The following ST6GALNAC3 variants were observed in gnomAD, a reference collection of about 807,000 sequenced individuals.
ST6GALNAC3 encodes the protein ST6 N-acetylgalactosaminide alpha-2,6-sialyltransferase 3, also known as alpha-N-acetylgalactosaminide alpha-2,6-sialyltransferase 3.
ST6GALNAC3 carries 25 observed loss-of-function variants against 32.7 expected under a neutral mutation model. That is an observed-to-expected ratio of 0.76 (90% confidence interval 0.56 to 1.07). ST6GALNAC3 has a LOEUF of 1.07. ST6GALNAC3 is among the 50% of genes least tolerant of loss of function. The probability of loss-of-function intolerance (pLI) is 0.00; values close to 1 mark genes in which losing one functional copy is unlikely to be tolerated. For synonymous variants in ST6GALNAC3, 129 were observed against 133.1 expected (o/e 0.97, Z 0.21); for missense variants, 355 against 382.4 (o/e 0.93, Z 0.60).
At chr1:76,289,094 C>A (rs1659936739) in intron 1 of ST6GALNAC3, among the ~76,000 whole-genome samples, 1 of 152,178 alleles carries the variant, frequency 6.6e-6, no homozygotes, top group Non-Finnish European at 1.5e-5. Flanking sequence ...CACTTGTGTT[C>A]CTGAAACCTA....
chr1:76,335,092 C>T (rs936402932), intron 2 of ST6GALNAC3, among the ~76,000 whole-genome samples: 3 of 152,030 alleles, frequency 2.0e-5, no homozygotes, highest in Admixed American at 1.3e-4. Context: ...TTGATGAATA[C>T]GTGAGTGGCA....
chr1:76,181,523 A>G (rs1390742983), intron 1 of ST6GALNAC3, among the ~76,000 whole-genome samples: 1 of 152,204 alleles, frequency 6.6e-6, no homozygotes, highest in Non-Finnish European at 1.5e-5. Flanking sequence ...TTTCAATTAC[A>G]TAGGGTTTGT....
intron 3 of ST6GALNAC3, among the ~76,000 whole-genome samples, chr1:76,571,332 T>G (rs1665845634): frequency 6.6e-6 from 1 of 152,238 alleles, no homozygotes; most frequent in African/African-American, 2.4e-5. Context: ...AGACCTTAGC[T>G]GGAACTCTTG....
At chr1:76,387,887 C>G (rs185133214) in intron 2 of ST6GALNAC3, among the ~76,000 whole-genome samples, 11,239 of 150,828 alleles carry the variant, frequency 0.075, 465 homozygotes, top group Middle Eastern at 0.11. Context: ...CCTTCTATGA[C>G]TGAAAAAAAA....
At chr1:76,137,195 C>T (rs976422882) in intron 1 of ST6GALNAC3, among the ~76,000 whole-genome samples, 2 of 152,210 alleles carry the variant, frequency 1.3e-5, no homozygotes, top group African/African-American at 4.8e-5. Flanking sequence ...AAATGACTAT[C>T]TGGCAAAAAT....
intron 3 of ST6GALNAC3, among the ~76,000 whole-genome samples, chr1:76,435,754 A>G (rs1415380780): frequency 2.0e-5 from 3 of 152,186 alleles, no homozygotes; most frequent in African/African-American, 7.2e-5. Context: ...TGATGTGTTC[A>G]TGGTTGCATT....
intron 3 of ST6GALNAC3, among the ~76,000 whole-genome samples, chr1:76,492,485 C>T (rs113465389): frequency 2.6e-4 from 40 of 152,026 alleles, no homozygotes; most frequent in African/African-American, 8.2e-4. Flanking sequence ...AAAAGCTTAA[C>T]GTAGTTTGCC....
intron 3 of ST6GALNAC3, among the ~76,000 whole-genome samples, chr1:76,618,699 C>A (rs1174440181): frequency 6.6e-6 from 1 of 152,098 alleles, no homozygotes; most frequent in Non-Finnish European, 1.5e-5. Context: ...CATCCCAGAT[C>A]CAGGCTGAAG....
At chr1:76,155,217 A>G (rs565595855) in intron 1 of ST6GALNAC3, among the ~76,000 whole-genome samples, 1 of 152,126 alleles carries the variant, frequency 6.6e-6, no homozygotes, top group African/African-American at 2.4e-5. Context: ...GGACCTTTGA[A>G]CCTAAATTCC....
intron 3 of ST6GALNAC3, among the ~76,000 whole-genome samples, chr1:76,497,567 C>T (rs1660930814): frequency 6.6e-6 from 1 of 152,136 alleles, no homozygotes; most frequent in African/African-American, 2.4e-5. Flanking sequence ...TTTAGGGGGA[C>T]ATAGAAAGAA....
intron 2 of ST6GALNAC3, among the ~76,000 whole-genome samples, chr1:76,402,335 G>A (rs1281246911): frequency 2.0e-5 from 3 of 151,944 alleles, no homozygotes; most frequent in Non-Finnish European, 2.9e-5. Flanking sequence ...ATCTCTCCTT[G>A]CCTCCAAGGA....
chr1:76,533,183 C>T (rs940814907), intron 3 of ST6GALNAC3, among the ~76,000 whole-genome samples: 7 of 152,110 alleles, frequency 4.6e-5, no homozygotes, highest in African/African-American at 9.7e-5. Flanking sequence ...GAAAGCTAAG[C>T]GAGTGACCCA....
intron 1 of ST6GALNAC3, among the ~76,000 whole-genome samples, chr1:76,076,763 A>T (rs1024110146): frequency 6.6e-6 from 1 of 152,204 alleles, no homozygotes; most frequent in African/African-American, 2.4e-5. Context: ...TAATCTTTAC[A>T]TAAAACCCTG....
chr1:76,583,198 A>G (rs568518770), intron 3 of ST6GALNAC3, among the ~76,000 whole-genome samples: 7 of 152,288 alleles, frequency 4.6e-5, no homozygotes, highest in Admixed American at 4.6e-4. Context: ...TACCATACTC[A>G]GTTGAAAGTC....
At chr1:76,313,030 C>CT (rs1557777044) in intron 1 of ST6GALNAC3, among the ~76,000 whole-genome samples, 1 of 152,108 alleles carries the variant, frequency 6.6e-6, no homozygotes, top group Non-Finnish European at 1.5e-5. Context: ...GAGGAATGTT[C>CT]TGCTGCTTGG....
chr1:76,321,336 T>G (rs777814925), intron 2 of ST6GALNAC3, among the ~76,000 whole-genome samples: 6 of 152,148 alleles, frequency 3.9e-5, no homozygotes, highest in Non-Finnish European at 8.8e-5. Context: ...AGAAACAAGT[T>G]GCAAGGCTAA....
chr1:76,168,472 G>A (rs1374070591), intron 1 of ST6GALNAC3, among the ~76,000 whole-genome samples: 1 of 152,196 alleles, frequency 6.6e-6, no homozygotes, highest in Non-Finnish European at 1.5e-5. Flanking sequence ...TTCTGTAGAT[G>A]TCTATCAGAT....
intron 1 of ST6GALNAC3, among the ~76,000 whole-genome samples, chr1:76,080,075 G>A (rs993008221): frequency 6.6e-6 from 1 of 152,228 alleles, no homozygotes; most frequent in Non-Finnish European, 1.5e-5. Flanking sequence ...TATAGACTCA[G>A]TGAGAAGGCA....
At chr1:76,480,892 C>A (rs1659681455) in intron 3 of ST6GALNAC3, among the ~76,000 whole-genome samples, 1 of 152,022 alleles carries the variant, frequency 6.6e-6, no homozygotes, top group Non-Finnish European at 1.5e-5. Flanking sequence ...AAGCATCATT[C>A]CACTAGTTTC....
Sources: allele counts gnomAD v4.1 joint callset (sites outside exome capture counted in the v4.1 genomes callset), GRCh38; gene constraint gnomAD v4.1.1; transcripts MANE v1.5; gene names NCBI Gene and HGNC (gene_info 2026-07-23, HGNC 2026-07-21).